GPC3: variants seen among roughly 807,000 people sequenced by gnomAD.
GPC3 encodes the protein glypican 3.
In GPC3, 3 loss-of-function variants were observed where a neutral mutation model predicts 34.4. That is an observed-to-expected ratio of 0.09 (90% CI 0.04 to 0.23). The LOEUF (loss-of-function observed/expected upper bound fraction) is 0.23, where lower values mean the gene tolerates loss of function less well. Ranked by LOEUF, GPC3 falls within the 10% of genes least tolerant of loss-of-function variation. The probability of loss-of-function intolerance (pLI) is 1.00; values close to 1 mark genes in which losing one functional copy is unlikely to be tolerated. For synonymous variants in GPC3, 177 were observed against 174.0 expected (o/e 1.02, Z -0.13); for missense variants, 351 against 445.6 (o/e 0.79, Z 1.91).
chrX:133,637,011 G>A (rs986846497), intron 6 of GPC3, among the ~76,000 whole-genome samples: 12 of 111,787 alleles, frequency 1.1e-4, no homozygotes, highest in Non-Finnish European at 2.3e-4. Context: ...TGCCCAACAC[G>A]CTGGGAAAAG....
chrX:133,558,946 T>A (rs778905333), intron 7 of GPC3, among the ~76,000 whole-genome samples: 56 of 108,255 alleles, frequency 5.2e-4, no homozygotes, highest in African/African-American at 1.9e-3. Context: ...TAAATAAAAA[T>A]AAATGTGTCC....
intron 6 of GPC3, among the ~76,000 whole-genome samples, chrX:133,631,825 T>C (rs1286842981): frequency 4.5e-5 from 5 of 110,662 alleles, no homozygotes; most frequent in African/African-American, 1.3e-4. Flanking sequence ...TAATTGGGTA[T>C]GACGTGATAA....
rs749162174 is a variant in GPC3, at chrX:133,657,898, C to CAGAGAGAGAGAGAG, written c.1413+3818_1413+3831dup. On this transcript the variant is annotated intron_variant, in intron 6 of 7. Transcript: ENST00000370818. ...GATGGACGCACATGGGGCATACATG[C>CAGAGAGAGAGAGAG]AGAGAGAGAGAGAGAGAGAGAGAGA... Among the ~76,000 whole-genome samples, 327 of 85,524 alleles carry CAGAGAGAGAGAGAG rather than the reference C, an allele frequency of 3.8e-3. 3 individuals are homozygous for CAGAGAGAGAGAGAG. Among genetic ancestry groups the CAGAGAGAGAGAGAG allele is most frequent in the African/African-American group, 0.015 (308 of 20,011 alleles). 74.3% of individuals were successfully genotyped at this position (85,524 alleles called of 115,157 possible). A position where few individuals can be genotyped will look rare whatever the true frequency, so the allele number is the denominator to read the frequency against.
chrX:133,538,290 G>A (rs778297504), intron 7 of GPC3, among the ~76,000 whole-genome samples: 1 of 112,397 alleles, frequency 8.9e-6, no homozygotes, highest in Non-Finnish European at 1.9e-5. Flanking sequence ...CACAGGCTTA[G>A]GTCATGATCG....
Position 133,636,385 on chromosome X carries a change from G to A in GPC3, c.1413+25345C>T, listed in dbSNP as rs1035173549. Reference sequence around the variant, plus strand: ...ACTCTCCTTTAAGAAGTGCCACAGGGGCTAGGCACAATGGCTCACACCTGT... The same window carrying A: ...ACTCTCCTTTAAGAAGTGCCACAGGAGCTAGGCACAATGGCTCACACCTGT... On this transcript the variant is annotated intron_variant, in intron 6 of 7. Transcript: ENST00000370818. Among the ~76,000 whole-genome samples, 3 of 112,365 alleles carry A rather than the reference G, an allele frequency of 2.7e-5. No individual in the cohort carries two copies. In the East Asian group the frequency reaches 8.4e-4, roughly 31 times the overall value.
chrX:133,738,905 A>G (rs2071536778), intron 3 of GPC3, among the ~76,000 whole-genome samples: 1 of 111,816 alleles, frequency 8.9e-6, no homozygotes, highest in Non-Finnish European at 1.9e-5. Flanking sequence ...GGGCAAATAG[A>G]AGCAGAGGAC....
At chrX:133,585,021 T>C (rs1330315049) in intron 7 of GPC3, among the ~76,000 whole-genome samples, 1 of 110,619 alleles carries the variant, frequency 9.0e-6, no homozygotes, top group African/African-American at 3.3e-5. Context: ...ATAAGAATCA[T>C]TAAACATCTT....
At chrX:133,544,828 G>A (rs1265419060) in intron 7 of GPC3, among the ~76,000 whole-genome samples, 1 of 111,913 alleles carries the variant, frequency 8.9e-6, no homozygotes, top group Non-Finnish European at 1.9e-5. Context: ...ACTGTGCCCG[G>A]CCTACCATAG....
At chrX:133,680,481 C>A (rs2070930179) in intron 5 of GPC3, among the ~76,000 whole-genome samples, 1 of 111,596 alleles carries the variant, frequency 9.0e-6, no homozygotes, top group Admixed American at 9.5e-5. Flanking sequence ...TCTCAGCGGG[C>A]AAAAAATAGG....
intron 6 of GPC3, among the ~76,000 whole-genome samples, chrX:133,634,208 C>A (rs1037881129): frequency 4.5e-5 from 5 of 111,486 alleles, no homozygotes; most frequent in African/African-American, 1.6e-4. Context: ...ATAAAAAGAA[C>A]CCTCATGCAT....
chrX:133,835,624 A>G (rs1003855757), intron 2 of GPC3, among the ~76,000 whole-genome samples: 1 of 112,109 alleles, frequency 8.9e-6, no homozygotes, highest in Non-Finnish European at 1.9e-5. Context: ...TACAATTGCT[A>G]TAGTAAGATG....
At chrX:133,576,940 C>T (rs2124307658) in intron 7 of GPC3, among the ~76,000 whole-genome samples, 1 of 110,444 alleles carries the variant, frequency 9.1e-6, no homozygotes, top group Non-Finnish European at 1.9e-5. Flanking sequence ...AAAAATTGCA[C>T]ATTTGTAGTT....
At position 133,846,805 on chromosome X, in the gene GPC3, A is replaced by AT. The variant is rs540565646; in HGVS notation, c.338-92630dup. Among the ~76,000 whole-genome samples the AT allele has an allele frequency of 1.2e-3, 140 of 112,291 alleles. 1 individual carries two copies. The highest frequency in any genetic ancestry group is 4.5e-3 in the South Asian group (12 of 2,695). On this transcript the variant is annotated intron_variant, in intron 2 of 7. Coordinates refer to ENST00000370818, the MANE Select transcript of GPC3 (RefSeq NM_004484.4). ...TGTGCCTGTTAGTTATAGATGAAGAATTCTAAGATTTGCTACCACAAGCTT... is the reference window on the plus strand; with the variant it reads ...TGTGCCTGTTAGTTATAGATGAAGAATTTCTAAGATTTGCTACCACAAGCTT...
chrX:133,604,261 C>T (rs1384234787), intron 6 of GPC3, among the ~76,000 whole-genome samples: 2 of 112,115 alleles, frequency 1.8e-5, no homozygotes, highest in African/African-American at 6.5e-5. Context: ...TAGGTAAAGA[C>T]ATCAACGAAT....
intron 1 of GPC3, among the ~76,000 whole-genome samples, chrX:133,962,391 A>C (rs1161541494): frequency 8.9e-6 from 1 of 112,054 alleles, no homozygotes; most frequent in African/African-American, 3.2e-5. Flanking sequence ...TTTGGGCTTG[A>C]TGTTCTCCCC....
intron 2 of GPC3, among the ~76,000 whole-genome samples, chrX:133,832,435 T>C (rs1266591353): frequency 1.8e-5 from 2 of 108,415 alleles, no homozygotes; most frequent in Non-Finnish European, 3.8e-5. Flanking sequence ...GGAGACACTC[T>C]ACCCATGAAT....
At chrX:133,652,160 T>C (rs1404664109) in intron 6 of GPC3, among the ~76,000 whole-genome samples, 1 of 112,305 alleles carries the variant, frequency 8.9e-6, no homozygotes, top group Non-Finnish European at 1.9e-5. Context: ...ATTGTGCCAG[T>C]CTTCAGTCTT....
At position 133,815,601 on chromosome X, in the gene GPC3, C is replaced by T. The variant is rs182284646; in HGVS notation, c.338-61425G>A. Among the ~76,000 whole-genome samples, 494 of 112,361 alleles carry T rather than the reference C, an allele frequency of 4.4e-3. 3 individuals carry two copies. The highest frequency in any genetic ancestry group is 0.016 in the African/African-American group (483 of 30,937). ...TAAAAAAACTTAAAAAGTTGTACTCCTTAAAACTTGAACTCCTGCCAATTT... is the reference window on the plus strand; with the variant it reads ...TAAAAAAACTTAAAAAGTTGTACTCTTTAAAACTTGAACTCCTGCCAATTT... On this transcript the variant is annotated intron_variant, in intron 2 of 7. Coordinates refer to ENST00000370818, the MANE Select transcript of GPC3 (RefSeq NM_004484.4).
At chrX:133,594,438 T>G (rs1331407445) in intron 7 of GPC3, among the ~76,000 whole-genome samples, 5 of 111,907 alleles carry the variant, frequency 4.5e-5, no homozygotes, top group Non-Finnish European at 9.4e-5. Context: ...TGTAGGATTA[T>G]CCACAACAGC....
Sources: allele counts gnomAD v4.1 joint callset (sites outside exome capture counted in the v4.1 genomes callset), GRCh38; gene constraint gnomAD v4.1.1; transcripts MANE v1.5; gene names NCBI Gene and HGNC (gene_info 2026-07-23, HGNC 2026-07-21).